Variants in IPO5 observed in about 807,000 individuals in gnomAD.
The protein encoded by IPO5 is importin-5.
In IPO5, 18 loss-of-function variants were observed where a neutral mutation model predicts 143.3. The observed-to-expected ratio is 0.13, with a 90% CI of 0.09 to 0.19. The LOEUF (loss-of-function observed/expected upper bound fraction) is 0.19. Ranked by LOEUF, IPO5 falls within the 10% of genes least tolerant of loss-of-function variation. The pLI, the probability that IPO5 is intolerant of heterozygous loss-of-function variation, is 1.00. For missense variants in IPO5, 1,013 were observed against 1,336.9 expected (o/e 0.76, Z 3.78); for synonymous variants, 477 against 465.7 (o/e 1.02, Z -0.31).
At chr13:98,018,810 T>C in intron 26 of IPO5, 106 bp downstream of exon 26, 4 of 761,582 alleles carry the variant, frequency 5.3e-6, no homozygotes, top group Non-Finnish European at 8.6e-6. Flanking sequence ...ATTTCTGCTG[T>C]AGTCTGTTTT....
intron 11 of IPO5, 30 bp downstream of exon 11, chr13:97,993,255 T>G (rs1230580615): frequency 6.3e-7 from 1 of 1,595,254 alleles, no homozygotes; most frequent in Non-Finnish European, 8.6e-7. Context: ...ATAGTTTATG[T>G]GTATTGTGGC....
intron 17 of IPO5, among the ~76,000 whole-genome samples, 160 bp from the exon 18 acceptor site, chr13:98,007,899 A>G (rs1270068370): frequency 6.6e-6 from 1 of 152,242 alleles, no homozygotes; most frequent in Non-Finnish European, 1.5e-5. Context: ...AGTGAACTAA[A>G]TCTGTCACAA....
rs1442798100 is a variant in IPO5 at position 98,019,798 on chromosome 13, C to G, written c.3054C>G (p.Asp1018Glu). ...EAVQTFNYLC[D>E]LIESNHPIVL... ...TTCAGACTTTCAATTATCTGTGTGA[C>G]CTGATTGAAAGGTAGGAAAGCAGAC... The change falls in exon 27 of 29, where the codon GAC becomes GAG. Residue 1018 changes from aspartate (D) to glutamate (E), a missense_variant. By Grantham distance (45) the Asp-to-Glu change is conservative (BLOSUM62 2). Coordinates refer to ENST00000651721, the MANE Select transcript of IPO5 (RefSeq NM_002271.6). The G allele has an allele frequency of 6.2e-7, 1 of 1,607,620 alleles. No individual in the cohort carries two copies. Among genetic ancestry groups the G allele is most frequent in the Non-Finnish European group, 8.5e-7 (1 of 1,174,172 alleles).
At chr13:97,997,950 C>T (rs944354694) in intron 12 of IPO5, among the ~76,000 whole-genome samples, 3 of 152,130 alleles carry the variant, frequency 2.0e-5, no homozygotes, top group African/African-American at 7.2e-5. Flanking sequence ...AAAAGTATGA[C>T]ATGAAAACAG....
At chr13:97,967,107 A>T (rs1231821528) in intron 2 of IPO5, among the ~76,000 whole-genome samples, 1 of 152,120 alleles carries the variant, frequency 6.6e-6, no homozygotes, top group African/African-American at 2.4e-5. Flanking sequence ...CATATTTTCT[A>T]TTTCTTCGTG....
At chr13:97,965,341 G>A (rs564017591) in intron 2 of IPO5, among the ~76,000 whole-genome samples, 4 of 151,980 alleles carry the variant, frequency 2.6e-5, no homozygotes, top group East Asian at 3.9e-4. Flanking sequence ...CATGTATATC[G>A]AAACTGAAAA....
intron 21 of IPO5, among the ~76,000 whole-genome samples, chr13:98,013,557 C>T (rs956189552): frequency 6.6e-6 from 1 of 151,918 alleles, no homozygotes; most frequent in African/African-American, 2.4e-5. Flanking sequence ...GAGGACAAAG[C>T]GGGATTGCTT....
At chr13:98,015,452 T>C (rs1233742659) in intron 22 of IPO5, 78 bp from the exon 23 acceptor site, 10 of 746,636 alleles carry the variant, frequency 1.3e-5, no homozygotes, top group Non-Finnish European at 2.3e-5. Flanking sequence ...TTTTTCCATA[T>C]GATTCTTAGT....
At chr13:97,976,258 G>T (rs2139595535) in intron 3 of IPO5, among the ~76,000 whole-genome samples, 1 of 151,132 alleles carries the variant, frequency 6.6e-6, no homozygotes. Flanking sequence ...CCGCGACGCA[G>T]CCCTGGCCCC....
intron 27 of IPO5, 49 bp from the exon 28 acceptor site, chr13:98,020,943 A>G (rs780383625): frequency 6.8e-6 from 10 of 1,480,674 alleles, no homozygotes; most frequent in Non-Finnish European, 9.3e-6. Context: ...ACATAATCAT[A>G]TTTCTCCTTA....
At chr13:98,006,098 C>T in intron 16 of IPO5, 32 bp from the exon 17 acceptor site, 1 of 1,432,632 alleles carries the variant, frequency 7.0e-7, no homozygotes, top group Non-Finnish European at 9.8e-7. Context: ...TCCAGTTTTC[C>T]TTTGAGGTAA....
intron 4 of IPO5, among the ~76,000 whole-genome samples, chr13:97,980,374 C>T (rs551489425): frequency 6.6e-6 from 1 of 152,292 alleles, no homozygotes; most frequent in African/African-American, 2.4e-5. Context: ...CCACCATTGG[C>T]TTCTAATTCA....
chr13:97,974,606 G>A (rs565551030), intron 3 of IPO5, among the ~76,000 whole-genome samples: 33 of 151,202 alleles, frequency 2.2e-4, no homozygotes, highest in Middle Eastern at 3.4e-3. Flanking sequence ...CACCTTGCCC[G>A]GCCTGTAATT....
chr13:97,984,019 C>A (rs1887108082), intron 5 of IPO5, among the ~76,000 whole-genome samples: 1 of 122,896 alleles, frequency 8.1e-6, no homozygotes, highest in Non-Finnish European at 1.6e-5. Context: ...CGCTCTGTCG[C>A]CCAGGCTGGA....
At chr13:97,972,095 C>CCT (rs1290884098) in intron 3 of IPO5, among the ~76,000 whole-genome samples, 1 of 152,044 alleles carries the variant, frequency 6.6e-6, no homozygotes, top group Non-Finnish European at 1.5e-5. Context: ...CTAAATTGAC[C>CCT]CTCATAATAA....
At position 98,001,459 on chromosome 13, in the gene IPO5, G is replaced by A. The variant is rs542163747; in HGVS notation, c.1108+814G>A. Among the ~76,000 whole-genome samples, 18 of 152,256 alleles carry A rather than the reference G, an allele frequency of 1.2e-4. No individual in the cohort carries two copies. In the South Asian group the frequency reaches 2.3e-3, roughly 19 times the overall value. On this transcript the variant is annotated intron_variant, in intron 13 of 28. Transcript: ENST00000651721. ...TCCTGCCCTAGCCTCCTGAGTAGCT[G>A]GGACTACAGGCACATGCCACCACGC...
chr13:97,997,565 A>G lies in IPO5; in HGVS notation c.948A>G (p.Glu316=). ...PQMLAMMVDL[E]EDEDWANADE... is the part of the protein sequence containing the mutation. ...TGTTAGCAATGATGGTTGATTTGGA[A>G]GAAGATGAGGACTGGGCAAATGCAG... Residue 316 remains glutamate, a synonymous_variant, in exon 12 of 29, where the codon GAA becomes GAG. Coordinates refer to ENST00000651721, the MANE Select transcript of IPO5 (RefSeq NM_002271.6). The G allele has an allele frequency of 6.2e-7, 1 of 1,610,700 alleles. No individual in the cohort carries two copies. The highest frequency in any genetic ancestry group is 8.5e-7 in the Non-Finnish European group (1 of 1,177,232).
chr13:97,990,768 G>A (rs1232365480), intron 9 of IPO5, among the ~76,000 whole-genome samples: 2 of 152,110 alleles, frequency 1.3e-5, no homozygotes, highest in African/African-American at 4.8e-5. Flanking sequence ...TAATGTAAAT[G>A]TTGTAAGCAA....
At chr13:97,963,432 G>A (rs978151044) in intron 2 of IPO5, 2 of 151,008 alleles carry the variant, frequency 1.3e-5, no homozygotes, top group African/African-American at 4.9e-5. Context: ...TGCAGTGGTG[G>A]AATCTCAGCT....
Sources: gnomAD v4.1 joint callset for allele counts (sites outside exome capture counted in the v4.1 genomes callset) on GRCh38, gnomAD v4.1.1 for gene constraint, MANE v1.5 for transcripts, NCBI Gene and HGNC (gene_info 2026-07-23, HGNC 2026-07-21) for gene names.